Variants in GPHN observed in about 807,000 individuals in gnomAD.
The protein encoded by GPHN is gephyrin.
A neutral mutation model predicts 95.5 loss-of-function variants in GPHN; 17 were observed. The observed-to-expected ratio is 0.18, with a 90% CI of 0.12 to 0.27. GPHN has a LOEUF of 0.27. GPHN is among the 10% of genes least tolerant of loss of function. The pLI is 1.00. For synonymous variants in GPHN, 320 were observed against 322.5 expected, an observed-to-expected ratio of 0.99 and a Z score of 0.08; for missense variants, 660 against 978.1, an observed-to-expected ratio of 0.67 and a Z score of 4.34.
intron 9 of GPHN, among the ~76,000 whole-genome samples, chr14:66,992,792 A>T (rs2071522659): frequency 6.6e-6 from 1 of 152,128 alleles, no homozygotes; most frequent in Non-Finnish European, 1.5e-5. Flanking sequence ...ACATAAAAAG[A>T]AGAACATTTT....
the GPHN span, among the ~76,000 whole-genome samples, chr14:67,310,324 A>C: frequency 1.3e-5 from 2 of 152,116 alleles, no homozygotes; most frequent in African/African-American, 4.8e-5. Flanking sequence ...AACACTTTCA[A>C]ATTTGGTGTG....
intron 2 of GPHN, among the ~76,000 whole-genome samples, chr14:66,730,346 G>A (rs2071652765): frequency 6.6e-6 from 1 of 152,084 alleles, no homozygotes; most frequent in African/African-American, 2.4e-5. Context: ...TGTCTCTCTG[G>A]AATCACTATC....
chr14:67,192,294 C>G, the GPHN span, among the ~76,000 whole-genome samples: 1 of 152,152 alleles, frequency 6.6e-6, no homozygotes, highest in African/African-American at 2.4e-5. Flanking sequence ...TGCCATGGAG[C>G]TAGCTCTGTG....
At chr14:66,893,236 A>C (rs939174403) in intron 5 of GPHN, among the ~76,000 whole-genome samples, 1 of 152,210 alleles carries the variant, frequency 6.6e-6, no homozygotes. Context: ...TACAGCTCCC[A>C]GCGTGAGTAA....
At chr14:67,567,886 T>G in the GPHN span, among the ~76,000 whole-genome samples, 2 of 152,196 alleles carry the variant, frequency 1.3e-5, no homozygotes, top group African/African-American at 2.4e-5. Context: ...TCCTTTAGGC[T>G]CAGTGGAGCA....
chr14:66,881,189 T>C (rs192731302), intron 5 of GPHN, among the ~76,000 whole-genome samples: 23 of 152,048 alleles, frequency 1.5e-4, no homozygotes, highest in African/African-American at 5.1e-4. Context: ...CTTTTTGCTG[T>C]CACGTGTACT....
At chr14:66,721,976 A>G (rs2070788653) in intron 2 of GPHN, among the ~76,000 whole-genome samples, 1 of 151,236 alleles carries the variant, frequency 6.6e-6, no homozygotes, top group Non-Finnish European at 1.5e-5. Context: ...AAAAAAGGAA[A>G]AAAAAGAATT....
At chr14:67,410,246 C>G in the GPHN span, among the ~76,000 whole-genome samples, 2 of 151,970 alleles carry the variant, frequency 1.3e-5, no homozygotes, top group Non-Finnish European at 2.9e-5. Flanking sequence ...GAAGGTAACC[C>G]CCAGGAACAG....
At chr14:67,609,997 AGAG>A in the GPHN span, among the ~76,000 whole-genome samples, 2 of 152,142 alleles carry the variant, frequency 1.3e-5, no homozygotes, top group African/African-American at 2.4e-5. Context: ...GAAGGGAATG[AGAG>A]GAGGAGAAGG....
chr14:67,405,203 C>A, the GPHN span, among the ~76,000 whole-genome samples: 2 of 122,308 alleles, frequency 1.6e-5, no homozygotes, highest in Non-Finnish European at 3.2e-5. Flanking sequence ...CCAGCCTGGG[C>A]GACAGAGCAA....
intron 2 of GPHN, among the ~76,000 whole-genome samples, chr14:66,731,248 A>G (rs939102378): frequency 2.0e-5 from 3 of 152,254 alleles, no homozygotes; most frequent in Admixed American, 6.5e-5. Context: ...AGGTACTGCT[A>G]TAGAGATACC....
At chr14:67,502,997 C>A in the GPHN span, among the ~76,000 whole-genome samples, 1 of 152,110 alleles carries the variant, frequency 6.6e-6, no homozygotes, top group Non-Finnish European at 1.5e-5. Context: ...CATCCGGACA[C>A]ACACTTTAAA....
the GPHN span, among the ~76,000 whole-genome samples, chr14:67,542,825 G>A: frequency 1.1e-4 from 16 of 152,054 alleles, no homozygotes; most frequent in Admixed American, 3.3e-4. Flanking sequence ...CTCAGCCTCC[G>A]GAGTAGCTGG....
At chr14:67,383,484 C>T in the GPHN span, 1 of 1,607,556 alleles carries the variant, frequency 6.2e-7, no homozygotes, top group Non-Finnish European at 8.5e-7. Flanking sequence ...CAGAGCAGCG[C>T]TTCCTGGCTG....
intron 1 of GPHN, among the ~76,000 whole-genome samples, chr14:66,554,363 C>T (rs1321547574): frequency 1.3e-5 from 2 of 152,150 alleles, no homozygotes; most frequent in Non-Finnish European, 2.9e-5. Context: ...CATTCTCACA[C>T]TGCTATAAAG....
intron 18 of GPHN, among the ~76,000 whole-genome samples, chr14:67,145,387 T>C (rs996670778): frequency 1.3e-5 from 2 of 152,228 alleles, no homozygotes; most frequent in African/African-American, 4.8e-5. Flanking sequence ...CTAACAAAGA[T>C]GTCAGTTATG....
At chr14:67,279,580 T>C in the GPHN span, 1 of 1,487,250 alleles carries the variant, frequency 6.7e-7, no homozygotes, top group Non-Finnish European at 9.0e-7. Context: ...TTTGCTTTAA[T>C]TTATCTGTGC....
At chr14:67,204,824 C>T in the GPHN span, 1 of 1,613,956 alleles carries the variant, frequency 6.2e-7, no homozygotes, top group Non-Finnish European at 8.5e-7. Flanking sequence ...GCCATCCTGA[C>T]CCCGTACATG....
chr14:67,693,016 A>G, the GPHN span: 8 of 1,614,134 alleles, frequency 5.0e-6, no homozygotes, highest in Non-Finnish European at 5.9e-6. Context: ...CAGGAAGCTG[A>G]ACAGTTGATG....
Sources: allele counts gnomAD v4.1 joint callset (sites outside exome capture counted in the v4.1 genomes callset), GRCh38; gene constraint gnomAD v4.1.1; transcripts MANE v1.5; gene names NCBI Gene and HGNC (gene_info 2026-07-23, HGNC 2026-07-21).